Variants in MACROD2 observed in about 807,000 individuals in gnomAD.
The protein encoded by MACROD2 is mono-ADP ribosylhydrolase 2.
A neutral mutation model predicts 70.4 loss-of-function variants in MACROD2; 36 were observed. The observed-to-expected ratio is 0.51, with a 90% CI of 0.39 to 0.68. The LOEUF is 0.68. Ranked by LOEUF, MACROD2 falls within the 30% of genes least tolerant of loss-of-function variation. The pLI, the probability that MACROD2 is intolerant of heterozygous loss-of-function variation, is 0.00. For synonymous variants in MACROD2, 172 were observed against 178.8 expected (o/e 0.96, Z 0.30); for missense variants, 496 against 538.4 (o/e 0.92, Z 0.78).
At chr20:14,102,497 T>C (rs1421730374) in intron 3 of MACROD2, among the ~76,000 whole-genome samples, 1 of 152,158 alleles carries the variant, frequency 6.6e-6, no homozygotes, top group South Asian at 2.1e-4. Context: ...GGGGGAGCAA[T>C]AGTTCTTAGC....
At chr20:15,458,737 A>G (rs934940855) in intron 7 of MACROD2, among the ~76,000 whole-genome samples, 2 of 151,262 alleles carry the variant, frequency 1.3e-5, no homozygotes, top group African/African-American at 4.9e-5. Flanking sequence ...TCAAAGTTCC[A>G]TGGGTATTTC....
chr20:14,861,979 A>ATATATATATATTTATATATATATT, intron 5 of MACROD2, among the ~76,000 whole-genome samples: 1 of 45,384 alleles, frequency 2.2e-5, no homozygotes, highest in African/African-American at 9.7e-5. Context: ...ATATATAAAT[A>ATATATATATATTTATATATATATT]TATATATATA....
Position 16,051,534 on chromosome 20 carries a change from G to C in MACROD2, c.*1658G>C, listed in dbSNP as rs916026280. The C allele has an allele frequency of 3.3e-5, 5 of 152,020 alleles. No individual in the cohort carries two copies. Among genetic ancestry groups the C allele is most frequent in the African/African-American group, 1.2e-4 (5 of 41,404 alleles). 9.4% of individuals were successfully genotyped at this position (152,020 alleles called of 1,614,324 possible). A position where few individuals can be genotyped will look rare whatever the true frequency, so the allele number is the denominator to read the frequency against. On this transcript the variant is annotated 3_prime_UTR_variant, in exon 18 of 18. Transcript: ENST00000684519. ...AGACATCAGCAAGAATGACATTTACGTGACCTCATAATGTGGGATTATGGC... is the reference window on the plus strand; with the variant it reads ...AGACATCAGCAAGAATGACATTTACCTGACCTCATAATGTGGGATTATGGC...
At chr20:14,860,415 G>A (rs900167405) in intron 5 of MACROD2, among the ~76,000 whole-genome samples, 3 of 152,030 alleles carry the variant, frequency 2.0e-5, no homozygotes, top group Non-Finnish European at 4.4e-5. Context: ...TGTGAAGCTG[G>A]GTGGGGGTGG....
chr20:15,037,424 T>C (rs979004620), intron 5 of MACROD2, among the ~76,000 whole-genome samples: 17 of 152,244 alleles, frequency 1.1e-4, no homozygotes, highest in African/African-American at 4.1e-4. Flanking sequence ...TCATTTGGCA[T>C]GTTTAAGTGA....
At chr20:14,601,701 C>T (rs6042815) in intron 4 of MACROD2, among the ~76,000 whole-genome samples, 11,897 of 151,966 alleles carry the variant, frequency 0.078, 1,330 homozygotes, top group African/African-American at 0.24. Flanking sequence ...ACCTCAGGGC[C>T]GTGAAAGTCA....
At chr20:14,348,904 C>T (rs1334635470) in intron 3 of MACROD2, among the ~76,000 whole-genome samples, 1 of 151,900 alleles carries the variant, frequency 6.6e-6, no homozygotes, top group Non-Finnish European at 1.5e-5. Context: ...CCCATCTCTA[C>T]AAAAAATACA....
intron 3 of MACROD2, among the ~76,000 whole-genome samples, chr20:14,132,002 G>C (rs952432980): frequency 3.3e-5 from 5 of 151,912 alleles, no homozygotes; most frequent in Non-Finnish European, 7.4e-5. Context: ...GTGGTGGTGT[G>C]CACCTGTAGT....
At chr20:14,894,929 T>C (rs1235940582) in intron 5 of MACROD2, 2 of 152,134 alleles carry the variant, frequency 1.3e-5, no homozygotes, top group Non-Finnish European at 2.9e-5. Context: ...AAGTAACTGA[T>C]TGATTGCAAT....
At chr20:15,552,283 G>C (rs1338215141) in intron 8 of MACROD2, 1 of 152,042 alleles carries the variant, frequency 6.6e-6, no homozygotes, top group Non-Finnish European at 1.5e-5. Context: ...TAGTTTTCTT[G>C]ACCATTCTGA....
At chr20:15,262,123 C>T (rs750286914) in intron 6 of MACROD2, among the ~76,000 whole-genome samples, 1 of 151,860 alleles carries the variant, frequency 6.6e-6, no homozygotes, top group Non-Finnish European at 1.5e-5. Context: ...CTCTGTTATG[C>T]TATCAAATAC....
rs2084914787 is a variant in MACROD2, at chr20:14,501,505, G to A, written c.301+7997G>A. 2.6e-5 allele frequency among the ~76,000 whole-genome samples: 4 copies of A among 151,286 alleles called. No homozygotes were observed. In the South Asian group the frequency reaches 8.3e-4, roughly 32 times the overall value. ...TTAGCTTCAATAATATAGAAAAATT[G>A]TATGTGTTGGTGTTCTTAACTGGAT... On this transcript the variant is annotated intron_variant, in intron 4 of 17. Coordinates refer to ENST00000684519, the MANE Select transcript of MACROD2 (RefSeq NM_001351661.2).
intron 5 of MACROD2, among the ~76,000 whole-genome samples, chr20:14,833,335 G>A (rs375259179): frequency 6.6e-6 from 1 of 152,056 alleles, no homozygotes; most frequent in South Asian, 2.1e-4. Flanking sequence ...AAAAAATTGA[G>A]AGAATCAAAG....
chr20:14,060,356 G>T (rs1424977354), intron 2 of MACROD2, among the ~76,000 whole-genome samples: 1 of 152,124 alleles, frequency 6.6e-6, no homozygotes, highest in Admixed American at 6.6e-5. Context: ...AGGAGGAAGG[G>T]ACAGAAATTT....
At chr20:16,036,308 A>G (rs1331615927) in intron 15 of MACROD2, among the ~76,000 whole-genome samples, 1 of 151,446 alleles carries the variant, frequency 6.6e-6, no homozygotes, top group Non-Finnish European at 1.5e-5. Flanking sequence ...TCTCACGTTT[A>G]TATATTTAAA....
chr20:16,009,724 T>G (rs1310811604), intron 15 of MACROD2, among the ~76,000 whole-genome samples: 1 of 151,762 alleles, frequency 6.6e-6, no homozygotes, highest in African/African-American at 2.4e-5. Flanking sequence ...GCCACTGCAC[T>G]CCAGCCTGCG....
intron 8 of MACROD2, among the ~76,000 whole-genome samples, chr20:15,529,674 T>C (rs1038583181): frequency 1.3e-5 from 2 of 152,204 alleles, no homozygotes; most frequent in African/African-American, 4.8e-5. Flanking sequence ...TAGTTACGTA[T>C]ATGTTGTATA....
chr20:14,168,875 A>G (rs1367949768), intron 3 of MACROD2, among the ~76,000 whole-genome samples: 1 of 152,150 alleles, frequency 6.6e-6, no homozygotes, highest in African/African-American at 2.4e-5. Flanking sequence ...TCTCCCTAAT[A>G]CAAAACCAGG....
At chr20:14,604,919 T>A (rs147627462) in intron 4 of MACROD2, among the ~76,000 whole-genome samples, 1 of 152,198 alleles carries the variant, frequency 6.6e-6, no homozygotes, top group African/African-American at 2.4e-5. Flanking sequence ...GAAAGGCTGG[T>A]ACAATTTTAA....
Sources: allele counts gnomAD v4.1 joint callset (sites outside exome capture counted in the v4.1 genomes callset), GRCh38; gene constraint gnomAD v4.1.1; transcripts MANE v1.5; gene names NCBI Gene and HGNC (gene_info 2026-07-23, HGNC 2026-07-21).